The following SPOCK3 variants were observed in gnomAD, a reference collection of about 807,000 sequenced individuals.
SPOCK3 encodes the protein testican-3.
A neutral mutation model predicts 56.6 loss-of-function variants in SPOCK3; 30 were observed. The ratio of observed to expected loss-of-function variants is 0.53; its 90% CI spans 0.40 to 0.72. The LOEUF (loss-of-function observed/expected upper bound fraction) is 0.72. Ranked by LOEUF, SPOCK3 falls within the 30% of genes least tolerant of loss-of-function variation. The pLI, the probability that SPOCK3 is intolerant of heterozygous loss-of-function variation, is 0.00. For missense variants in SPOCK3, 527 were observed against 530.0 expected, an observed-to-expected ratio of 0.99 and a Z score of 0.06; for synonymous variants, 196 against 183.3, an observed-to-expected ratio of 1.07 and a Z score of -0.56.
intron 4 of SPOCK3, among the ~76,000 whole-genome samples, chr4:166,967,277 C>T (rs909579489): frequency 3.2e-4 from 48 of 152,146 alleles, no homozygotes; most frequent in African/African-American, 1.1e-3. Flanking sequence ...TTGAGCTGTA[C>T]AGCTGGTTAT....
intron 6 of SPOCK3, among the ~76,000 whole-genome samples, chr4:166,856,939 G>A (rs1730749868): frequency 2.0e-5 from 3 of 152,074 alleles, no homozygotes; most frequent in Admixed American, 1.3e-4. Context: ...CACTAAAGCA[G>A]TATTTTTCTT....
chr4:166,903,076 C>G, intron 5 of SPOCK3, among the ~76,000 whole-genome samples: 1 of 145,174 alleles, frequency 6.9e-6, no homozygotes, highest in South Asian at 2.2e-4. Flanking sequence ...TATTAGTGTG[C>G]CCCTTTATTT....
intron 4 of SPOCK3, among the ~76,000 whole-genome samples, chr4:166,991,808 T>C (rs1277342791): frequency 3.3e-5 from 5 of 152,148 alleles, no homozygotes; most frequent in Non-Finnish European, 2.9e-5. Flanking sequence ...ACTGACACAC[T>C]CTGGAGGTTG....
intron 6 of SPOCK3, among the ~76,000 whole-genome samples, chr4:166,844,519 C>T (rs1471936849): frequency 2.6e-5 from 4 of 152,024 alleles, no homozygotes; most frequent in African/African-American, 9.7e-5. Context: ...GGGGTTGAGC[C>T]TCGTCCAATC....
At chr4:166,994,723 A>G (rs541551686) in intron 4 of SPOCK3, among the ~76,000 whole-genome samples, 1 of 152,282 alleles carries the variant, frequency 6.6e-6, no homozygotes, top group East Asian at 1.9e-4. Flanking sequence ...TTTGTAATGC[A>G]TAACACCTAA....
intron 2 of SPOCK3, among the ~76,000 whole-genome samples, chr4:167,109,116 ATATATAAATAT>A (rs1760545540): frequency 2.7e-5 from 1 of 37,588 alleles, no homozygotes; most frequent in South Asian, 1.1e-3. Context: ...ATATAAAAAT[ATATATAAATAT>A]TATATATTTA....
intron 2 of SPOCK3, among the ~76,000 whole-genome samples, chr4:167,227,696 T>A (rs1428057278): frequency 6.6e-6 from 1 of 152,082 alleles, no homozygotes; most frequent in African/African-American, 2.4e-5. Flanking sequence ...TGGATAGTAT[T>A]TACAGAAGTC....
At position 167,205,369 on chromosome 4, in the gene SPOCK3, T is replaced by TAATATATATTATATA. The variant is rs1561321698; in HGVS notation, c.189+28615_189+28616insTATATAATATATATT. Among the ~76,000 whole-genome samples the TAATATATATTATATA allele has an allele frequency of 8.4e-5, 3 of 35,622 alleles. 1 individual carries two copies. The highest frequency in any genetic ancestry group is 8.5e-5 in the Non-Finnish European group (2 of 23,442). 23.4% of individuals were successfully genotyped at this position (35,622 alleles called of 152,430 possible). On this transcript the variant is annotated intron_variant, in intron 2 of 10. Transcript: ENST00000357545. The stretch of plus-strand genomic sequence containing the variant: ...TATATATAATATATATATTATATAT[T>TAATATATATTATATA]TTATATATATAATATATATATTTTA...
intron 8 of SPOCK3, among the ~76,000 whole-genome samples, chr4:166,743,508 G>A (rs947668988): frequency 2.0e-5 from 3 of 152,108 alleles, no homozygotes; most frequent in African/African-American, 7.2e-5. Flanking sequence ...TGGCCAAACA[G>A]GAACAGCTCC....
intron 4 of SPOCK3, among the ~76,000 whole-genome samples, chr4:166,975,963 T>C (rs959840550): frequency 1.3e-5 from 2 of 152,192 alleles, no homozygotes; most frequent in Non-Finnish European, 2.9e-5. Context: ...TTGTGAGTAG[T>C]GCTGCAATAA....
chr4:167,153,266 G>A (rs753815691), intron 2 of SPOCK3, among the ~76,000 whole-genome samples: 6 of 152,038 alleles, frequency 3.9e-5, no homozygotes, highest in Non-Finnish European at 5.9e-5. Flanking sequence ...TGCACTTAGC[G>A]ATCACTCTCA....
chr4:166,914,552 C>T (rs1042541846), intron 4 of SPOCK3, among the ~76,000 whole-genome samples: 3 of 152,152 alleles, frequency 2.0e-5, no homozygotes, highest in Admixed American at 2.0e-4. Flanking sequence ...AGGCGGATCA[C>T]CTGAGGTTGG....
At chr4:166,765,312 C>T (rs1044805738) in intron 7 of SPOCK3, among the ~76,000 whole-genome samples, 1 of 152,040 alleles carries the variant, frequency 6.6e-6, no homozygotes, top group African/African-American at 2.4e-5. Context: ...GGGTTTTTAT[C>T]GTTTTAGGTC....
At position 166,907,561 on chromosome 4, in the gene SPOCK3, G is replaced by A. The variant is rs117423444; in HGVS notation, c.474+5059C>T. Among the ~76,000 whole-genome samples, 3 of 152,236 alleles carry A rather than the reference G, an allele frequency of 2.0e-5. No homozygotes were observed. The East Asian group carries it at 5.8e-4, about 29-fold the overall frequency. On this transcript the variant is annotated intron_variant, in intron 5 of 10. Transcript: ENST00000357545. ...CCAGTAACTGAAGACAAGAGAGGAT[G>A]TATTTTGTGCTTCAGCACATGGTTC...
chr4:166,833,832 C>A (rs543915488), intron 6 of SPOCK3, among the ~76,000 whole-genome samples: 1 of 152,114 alleles, frequency 6.6e-6, no homozygotes, highest in Non-Finnish European at 1.5e-5. Flanking sequence ...TGTCTTCTAT[C>A]TGTGGTTGCG....
chr4:166,934,526 A>G (rs1032328761), intron 4 of SPOCK3, among the ~76,000 whole-genome samples: 3 of 151,980 alleles, frequency 2.0e-5, no homozygotes, highest in African/African-American at 4.8e-5. Context: ...AAGAAAAGTC[A>G]CACTTAATAT....
intron 6 of SPOCK3, among the ~76,000 whole-genome samples, chr4:166,798,139 T>C (rs1742165826): frequency 2.0e-5 from 3 of 152,216 alleles, no homozygotes; most frequent in Non-Finnish European, 4.4e-5. Flanking sequence ...CTGATCATTA[T>C]AATAAACAAC....
intron 2 of SPOCK3, among the ~76,000 whole-genome samples, chr4:167,143,161 C>T (rs1763670785): frequency 1.3e-5 from 2 of 152,098 alleles, no homozygotes; most frequent in Non-Finnish European, 2.9e-5. Context: ...ACTCAGATAA[C>T]TTAACAATTA....
At chr4:167,122,677 A>T (rs1044073616) in intron 2 of SPOCK3, among the ~76,000 whole-genome samples, 1 of 152,352 alleles carries the variant, frequency 6.6e-6, no homozygotes, top group Non-Finnish European at 1.5e-5. Context: ...TTCATTTCTT[A>T]GAGCTGCCAT....
Sources: gnomAD v4.1 joint callset for allele counts (sites outside exome capture counted in the v4.1 genomes callset) on GRCh38, gnomAD v4.1.1 for gene constraint, MANE v1.5 for transcripts, NCBI Gene and HGNC (gene_info 2026-07-23, HGNC 2026-07-21) for gene names.